KLHL1: variants seen among roughly 807,000 people sequenced by gnomAD.
The protein encoded by KLHL1 is kelch like family member 1.
In KLHL1, 47 loss-of-function variants were observed where a neutral mutation model predicts 77.7. That is an observed-to-expected ratio of 0.60 (90% CI 0.48 to 0.77). The LOEUF is 0.77. Among genes scored for constraint, KLHL1 ranks in the 30% least tolerant of loss-of-function variants. The pLI is 0.00. For missense variants in KLHL1, 925 were observed against 910.8 expected (o/e 1.02, Z -0.20); for synonymous variants, 360 against 325.2 (o/e 1.11, Z -1.15).
intron 1 of KLHL1, among the ~76,000 whole-genome samples, chr13:70,084,641 TTTTTTTTG>T (rs1233038598): frequency 2.3e-5 from 3 of 128,446 alleles, no homozygotes; most frequent in Admixed American, 8.0e-5. Context: ...TTTTTTTTTT[TTTTTTTTG>T]AATTTTTAGT....
intron 1 of KLHL1, among the ~76,000 whole-genome samples, chr13:70,035,870 C>A (rs1886225987): frequency 6.6e-6 from 1 of 151,900 alleles, no homozygotes; most frequent in African/African-American, 2.4e-5. Flanking sequence ...AACAATAATT[C>A]TCATCTATAG....
chr13:70,088,796 C>T (rs1887605707), intron 1 of KLHL1, among the ~76,000 whole-genome samples: 1 of 151,830 alleles, frequency 6.6e-6, no homozygotes, highest in Non-Finnish European at 1.5e-5. Context: ...CTCATTTATA[C>T]TTTTATATTC....
At chr13:69,976,041 A>C (rs1473120465) in intron 1 of KLHL1, among the ~76,000 whole-genome samples, 1 of 152,124 alleles carries the variant, frequency 6.6e-6, no homozygotes, top group Admixed American at 6.6e-5. Context: ...GAGGTTTAAA[A>C]ATATGTTGTC....
intron 5 of KLHL1, among the ~76,000 whole-genome samples, chr13:69,866,847 GA>G (rs1880382631): frequency 6.6e-6 from 1 of 152,060 alleles, no homozygotes; most frequent in Non-Finnish European, 1.5e-5. Flanking sequence ...TCGTAATTCA[GA>G]ACACCACATG....
At chr13:69,886,998 A>C (rs1881244787) in intron 4 of KLHL1, among the ~76,000 whole-genome samples, 1 of 152,156 alleles carries the variant, frequency 6.6e-6, no homozygotes, top group East Asian at 1.9e-4. Flanking sequence ...GGAGGCTCAT[A>C]ATGCCAAGCA....
At chr13:69,890,200 C>T (rs1277229629) in intron 4 of KLHL1, among the ~76,000 whole-genome samples, 1 of 150,514 alleles carries the variant, frequency 6.6e-6, no homozygotes, top group Non-Finnish European at 1.5e-5. Context: ...ATAAAAGAGA[C>T]CAGACTACAT....
chr13:70,100,665 C>T (rs1413650400), intron 1 of KLHL1, among the ~76,000 whole-genome samples: 1 of 152,128 alleles, frequency 6.6e-6, no homozygotes. Flanking sequence ...ATTTCAAGAT[C>T]TTCAAAACCA....
At chr13:69,759,003 A>G (rs74378812) in intron 7 of KLHL1, among the ~76,000 whole-genome samples, 1,728 of 152,216 alleles carry the variant, frequency 0.011, 35 homozygotes, top group African/African-American at 0.039. Flanking sequence ...AAGAGCTTAC[A>G]TGGCACCCAT....
At chr13:69,785,915 G>T (rs1258852503) in intron 7 of KLHL1, among the ~76,000 whole-genome samples, 1 of 152,162 alleles carries the variant, frequency 6.6e-6, no homozygotes, top group African/African-American at 2.4e-5. Flanking sequence ...AGAAGAAATG[G>T]ATAAATTCCT....
At chr13:69,825,849 A>G (rs930582937) in intron 6 of KLHL1, among the ~76,000 whole-genome samples, 6 of 152,196 alleles carry the variant, frequency 3.9e-5, no homozygotes, top group Non-Finnish European at 8.8e-5. Context: ...AGTTAGATAG[A>G]AATATTGCTG....
intron 6 of KLHL1, among the ~76,000 whole-genome samples, chr13:69,797,816 G>T (rs192516027): frequency 7.1e-6 from 1 of 140,666 alleles, no homozygotes; most frequent in African/African-American, 2.8e-5. Flanking sequence ...GTGACAGAGC[G>T]AGACTCCATC....
At chr13:69,945,316 T>C (rs1315416270) in intron 3 of KLHL1, among the ~76,000 whole-genome samples, 1 of 152,026 alleles carries the variant, frequency 6.6e-6, no homozygotes, top group African/African-American at 2.4e-5. Context: ...TAAAAATTTA[T>C]TTGATAAAAT....
intron 7 of KLHL1, among the ~76,000 whole-genome samples, chr13:69,791,440 A>T (rs908617205): frequency 5.3e-5 from 8 of 152,150 alleles, no homozygotes; most frequent in Non-Finnish European, 7.4e-5. Flanking sequence ...GATCTTTTTT[A>T]AAAAAATATG....
intron 1 of KLHL1, among the ~76,000 whole-genome samples, chr13:70,040,355 A>G (rs547498572): frequency 7.2e-5 from 11 of 152,166 alleles, no homozygotes; most frequent in Non-Finnish European, 1.5e-4. Context: ...ATCGGGCACT[A>G]TGTTCACTAC....
chr13:70,085,226 A>T (rs914690748), intron 1 of KLHL1, among the ~76,000 whole-genome samples: 1 of 151,970 alleles, frequency 6.6e-6, no homozygotes, highest in Non-Finnish European at 1.5e-5. Flanking sequence ...AAAGAGACAG[A>T]GAGAGAGAGA....
At chr13:69,969,824 T>G (rs1313922387) in intron 2 of KLHL1, among the ~76,000 whole-genome samples, 1 of 152,160 alleles carries the variant, frequency 6.6e-6, no homozygotes, top group Non-Finnish European at 1.5e-5. Flanking sequence ...TTTAGTTCTA[T>G]TAATGCTAGA....
chr13:70,072,082 G>A (rs1020548640), intron 1 of KLHL1, among the ~76,000 whole-genome samples: 3 of 151,910 alleles, frequency 2.0e-5, no homozygotes, highest in Admixed American at 6.6e-5. Flanking sequence ...AACAGAGAAC[G>A]TGCAAATTAC....
At chr13:69,964,956 A>AC (rs1884170925) in intron 2 of KLHL1, among the ~76,000 whole-genome samples, 2 of 151,578 alleles carry the variant, frequency 1.3e-5, no homozygotes. Context: ...ATACTATACT[A>AC]CCCCCACAAA....
At chr13:69,861,354 T>C (rs1273217659) in intron 5 of KLHL1, among the ~76,000 whole-genome samples, 2 of 152,104 alleles carry the variant, frequency 1.3e-5, no homozygotes, top group East Asian at 3.9e-4. Context: ...TATATGTCTA[T>C]GAACATTTTG....
Sources: gnomAD v4.1 joint callset for allele counts (sites outside exome capture counted in the v4.1 genomes callset) on GRCh38, gnomAD v4.1.1 for gene constraint, MANE v1.5 for transcripts, NCBI Gene and HGNC (gene_info 2026-07-23, HGNC 2026-07-21) for gene names.